Variants in VPS13A observed in about 807,000 individuals in gnomAD.
VPS13A encodes the protein vacuolar protein sorting 13 homolog A.
In VPS13A, 264 loss-of-function variants were observed where a neutral mutation model predicts 390.9. The observed-to-expected ratio is 0.68, with a 90% confidence interval of 0.61 to 0.75. The LOEUF (loss-of-function observed/expected upper bound fraction) is 0.75, where lower values mean the gene tolerates loss of function less well. Ranked by LOEUF, VPS13A falls within the 30% of genes least tolerant of loss-of-function variation. The pLI is 0.00. For missense variants in VPS13A, 3,409 were observed against 3,733.9 expected (o/e 0.91, Z 2.27); for synonymous variants, 1,231 against 1,227.1 (o/e 1.00, Z -0.07).
intron 27 of VPS13A, among the ~76,000 whole-genome samples, chr9:77,281,586 A>G (rs757285215): frequency 6.6e-6 from 1 of 152,158 alleles, no homozygotes; most frequent in African/African-American, 2.4e-5. Context: ...TCCACACTTG[A>G]TAATATCCAA....
chr9:77,420,253 A>C lies in VPS13A; in HGVS notation c.*4247A>C, dbSNP rs1234315758. The C allele has an allele frequency of 6.6e-6, 1 of 152,192 alleles. No individual in the cohort carries two copies. Among genetic ancestry groups the C allele is most frequent in the Non-Finnish European group, 1.5e-5 (1 of 68,038 alleles). 9.4% of individuals were successfully genotyped at this position (152,192 alleles called of 1,614,324 possible). A position where few individuals can be genotyped will look rare whatever the true frequency, so the allele number is the denominator to read the frequency against. On this transcript the variant is annotated 3_prime_UTR_variant, in exon 72 of 72. Coordinates refer to ENST00000360280, the MANE Select transcript of VPS13A (RefSeq NM_033305.3). ...TACAGCAAACTTTTCTCCCACTGTC[A>C]TAATTGGTCTAAAGTAGTATTTGTT...
chr9:77,260,338 A>G (rs893495691), intron 23 of VPS13A, 114 bp downstream of exon 23: 1 of 970,424 alleles, frequency 1.0e-6, no homozygotes, highest in African/African-American at 1.7e-5. Flanking sequence ...TTGAATAGAC[A>G]TTAAGAAAAT....
intron 10 of VPS13A, 137 bp downstream of exon 10, chr9:77,214,523 A>G (rs1484991294): frequency 6.7e-6 from 4 of 595,148 alleles, no homozygotes; most frequent in East Asian, 3.1e-5. Flanking sequence ...TGTATATACA[A>G]AAGCAAATAA....
intron 68 of VPS13A, chr9:77,383,034 G>A: frequency 2.0e-6 from 2 of 985,116 alleles, no homozygotes; most frequent in South Asian, 9.4e-5. Context: ...ATGTAGGCTT[G>A]CAGATACTCA....
At chr9:77,179,393 C>T (rs928447365) in intron 1 of VPS13A, among the ~76,000 whole-genome samples, 3 of 152,298 alleles carry the variant, frequency 2.0e-5, no homozygotes, top group Non-Finnish European at 4.4e-5. Context: ...CCCGCCACCA[C>T]GCCCGGCTAA....
Position 77,417,546 on chromosome 9 carries a change from A to G in VPS13A, c.*1540A>G, listed in dbSNP as rs1207586661. 1 of 139,320 alleles carries G rather than the reference A, an allele frequency of 7.2e-6. No individual in the cohort carries two copies. The highest frequency in any genetic ancestry group is 1.5e-5 in the Non-Finnish European group (1 of 65,430). 8.6% of individuals were successfully genotyped at this position (139,320 alleles called of 1,614,324 possible). ...GTGTTTCCATGTTGACCTTTGTTTA[A>G]AAAAAAAAAAAAGTGCTTATTTTCT... On this transcript the variant is annotated 3_prime_UTR_variant, in exon 72 of 72. Coordinates refer to ENST00000360280, the MANE Select transcript of VPS13A (RefSeq NM_033305.3).
chr9:77,417,572 CT>C lies in VPS13A; in HGVS notation c.*1567del, dbSNP rs1835209100. 1 of 151,780 alleles carries C rather than the reference CT, an allele frequency of 6.6e-6. No individual in the cohort carries two copies. The highest frequency in any genetic ancestry group is 2.4e-5 in the African/African-American group (1 of 41,330). 9.4% of individuals were successfully genotyped at this position (151,780 alleles called of 1,614,324 possible). ...AAAAAAAAAAAAGTGCTTATTTTCT[CT>C]GTCGCTAAGCTCCTCCAGTTTTGCT... is the stretch of plus-strand genomic sequence containing the variant. On this transcript the variant is annotated 3_prime_UTR_variant, in exon 72 of 72. Coordinates refer to ENST00000360280, the MANE Select transcript of VPS13A (RefSeq NM_033305.3).
intron 35 of VPS13A, among the ~76,000 whole-genome samples, chr9:77,313,683 A>G (rs1420299257): frequency 2.0e-5 from 3 of 152,118 alleles, no homozygotes; most frequent in Non-Finnish European, 2.9e-5. Flanking sequence ...TACATGTGCT[A>G]TTTTACTTAA....
At position 77,353,544 on chromosome 9, in the gene VPS13A, T is replaced by A. The variant is rs1028975157; in HGVS notation, c.7555T>A (p.Leu2519Ile). 11 of 1,613,398 alleles carry A rather than the reference T, an allele frequency of 6.8e-6. No individual in the cohort carries two copies. The African/African-American group carries it at 1.5e-4, about 22-fold the overall frequency. The change falls in exon 54 of 72, where the codon TTA (leucine) becomes ATA (isoleucine). Residue 2519 changes from leucine (L) to isoleucine (I), a missense_variant. Physicochemically the swap from Leu to Ile is conservative, Grantham distance 5. Around this residue, in one of 5 missense-constraint regions of VPS13A, gnomAD observed 221 missense variants for 300.7 expected, o/e 0.73. Transcript: ENST00000360280. ...AACATATGAAAGTGAGAAAGCAGAG[T>A]TAGCAGAGCAAGAAATTGCAGTGGC... ...KVTYESEKAE[L>I]AEQEIAVALQ...
Position 77,251,430 on chromosome 9 carries a change from A to G in VPS13A, c.2171-805A>G, listed in dbSNP as rs184200809. ...AGAAAATCTGAACAACTGAGAAACC[A>G]AAAAGATAAACCTTTATGTTACTGC... On this transcript the variant is annotated intron_variant, in intron 21 of 71. Coordinates refer to ENST00000360280, the MANE Select transcript of VPS13A (RefSeq NM_033305.3). Among the ~76,000 whole-genome samples the G allele has an allele frequency of 2.4e-4, 37 of 152,330 alleles. No homozygotes were observed. The East Asian group carries it at 6.4e-3, about 26-fold the overall frequency.
intron 68 of VPS13A, chr9:77,384,801 T>C: frequency 6.7e-7 from 1 of 1,493,970 alleles, no homozygotes; most frequent in South Asian, 1.3e-5. Flanking sequence ...TTTAAAATGT[T>C]TTCCTACACA....
At chr9:77,314,685 C>T (rs1425066030) in intron 37 of VPS13A, 21 bp downstream of exon 37, 2 of 1,606,026 alleles carry the variant, frequency 1.2e-6, no homozygotes, top group African/African-American at 2.7e-5. Flanking sequence ...TAATGATGTT[C>T]TAAGGTTTTA....
At chr9:77,315,598 G>C (rs1454552756) in intron 38 of VPS13A, 128 bp downstream of exon 38, 7 of 964,294 alleles carry the variant, frequency 7.3e-6, no homozygotes. Flanking sequence ...TTTCAGAGTA[G>C]AAGGAAAACC....
At chr9:77,238,493 C>A (rs899661401) in intron 19 of VPS13A, 107 bp downstream of exon 19, 23 of 886,072 alleles carry the variant, frequency 2.6e-5, no homozygotes, top group Admixed American at 1.4e-4. Flanking sequence ...TATTATATTT[C>A]TAGACTGGTT....
intron 13 of VPS13A, among the ~76,000 whole-genome samples, chr9:77,225,204 A>G (rs1479767872): frequency 6.6e-6 from 1 of 152,210 alleles, no homozygotes; most frequent in Non-Finnish European, 1.5e-5. Context: ...TCTCTGAGGT[A>G]TGCCTGTATC....
intron 1 of VPS13A, chr9:77,178,152 C>G (rs977527807): frequency 1.0e-5 from 3 of 286,292 alleles, no homozygotes; most frequent in Non-Finnish European, 2.0e-5. Flanking sequence ...GCTTTAGCCG[C>G]GCGGGGCGAG....
chr9:77,375,287 A>G (rs1833005394), intron 67 of VPS13A, among the ~76,000 whole-genome samples: 1 of 152,206 alleles, frequency 6.6e-6, no homozygotes, highest in African/African-American at 2.4e-5. Flanking sequence ...GTACCTGTGA[A>G]AAAAGACACT....
chr9:77,332,882 C>A (rs956347324), intron 46 of VPS13A, among the ~76,000 whole-genome samples: 6 of 152,182 alleles, frequency 3.9e-5, no homozygotes, highest in Non-Finnish European at 4.4e-5. Context: ...ACAGTGCTTA[C>A]CTGTTCTCTT....
chr9:77,400,353 T>C (rs1446774595), intron 68 of VPS13A, among the ~76,000 whole-genome samples: 2 of 151,928 alleles, frequency 1.3e-5, no homozygotes, highest in African/African-American at 2.4e-5. Flanking sequence ...AAAATGACTC[T>C]ATATCTCTGT....
Sources: allele counts gnomAD v4.1 joint callset (sites outside exome capture counted in the v4.1 genomes callset), GRCh38; gene constraint gnomAD v4.1.1; regional missense constraint gnomAD v4.1.1; transcripts MANE v1.5; gene names NCBI Gene and HGNC (gene_info 2026-07-23, HGNC 2026-07-21).